CHD6: variants seen among roughly 807,000 people sequenced by gnomAD.
CHD6 encodes the protein ATP-dependent chromatin remodeler CHD6.
In CHD6, 50 loss-of-function variants were observed where a neutral mutation model predicts 276.9. That is an observed-to-expected ratio of 0.18 (90% CI 0.14 to 0.23). The LOEUF is 0.23. CHD6 is among the 10% of genes least tolerant of loss of function. CHD6 has a pLI of 1.00. For missense variants in CHD6, 2,564 were observed against 3,365.8 expected (o/e 0.76, Z 5.89); for synonymous variants, 1,173 against 1,229.3 (o/e 0.95, Z 0.96).
intron 1 of CHD6, among the ~76,000 whole-genome samples, chr20:41,602,368 T>C (rs892135772): frequency 1.2e-4 from 19 of 152,326 alleles, no homozygotes; most frequent in Admixed American, 1.0e-3. Context: ...CCATTTCACC[T>C]TCCTATGAGG....
intron 1 of CHD6, among the ~76,000 whole-genome samples, chr20:41,553,681 C>A (rs2045179445): frequency 6.6e-6 from 1 of 152,222 alleles, no homozygotes. Context: ...TGTGCTCTCA[C>A]CATTGTTTCA....
Position 41,416,579 on chromosome 20 carries a change from C to A in CHD6, c.6486+9G>T. 6.2e-7 allele frequency: 1 copy of A among 1,606,352 alleles called. No homozygotes were observed. The highest frequency in any genetic ancestry group is 8.5e-7 in the Non-Finnish European group (1 of 1,176,298). Reference sequence around the variant, plus strand: ...TTGTTTTGTGGTCACTCCATTCTTGCCGGCTCACCTTGTGGATCTGGGCCG... The same window carrying A: ...TTGTTTTGTGGTCACTCCATTCTTGACGGCTCACCTTGTGGATCTGGGCCG... On this transcript the variant is annotated intron_variant, in intron 33 of 36. Transcript: ENST00000373233.
intron 2 of CHD6, 97 bp downstream of exon 2, chr20:41,551,208 A>G (rs2045140631): frequency 1.3e-6 from 1 of 788,760 alleles, no homozygotes; most frequent in Non-Finnish European, 2.2e-6. Flanking sequence ...AAAGTACCAG[A>G]GATTAAGGGA....
chr20:41,472,174 G>A (rs1332074113), intron 17 of CHD6, among the ~76,000 whole-genome samples: 3 of 151,744 alleles, frequency 2.0e-5, no homozygotes, highest in African/African-American at 7.3e-5. Flanking sequence ...CTGGCAGGCA[G>A]AGGTTGCAGT....
At chr20:41,533,637 A>G (rs2044747637) in intron 2 of CHD6, 67 bp from the exon 3 acceptor site, 4 of 1,363,536 alleles carry the variant, frequency 2.9e-6, no homozygotes, top group Non-Finnish European at 4.0e-6. Flanking sequence ...AGAGTTACCC[A>G]GTTTGAATAC....
rs546468864 is a variant in CHD6, at chr20:41,577,204, T to G, written c.-23-25844A>C. Among the ~76,000 whole-genome samples the G allele has an allele frequency of 5.3e-4, 81 of 152,340 alleles. 1 individual carries two copies. Among genetic ancestry groups the G allele is most frequent in the African/African-American group, 1.7e-3 (72 of 41,572 alleles). On this transcript the variant is annotated intron_variant, in intron 1 of 36. Transcript: ENST00000373233. ...CTCCTGGCTTGGTTCTACAGAGACT[T>G]GTGGCCGCTATTTATCATGATTTGG... is the stretch of plus-strand genomic sequence containing the variant.
intron 36 of CHD6, among the ~76,000 whole-genome samples, chr20:41,410,915 G>A (rs1283799433): frequency 6.6e-6 from 1 of 152,174 alleles, no homozygotes; most frequent in Non-Finnish European, 1.5e-5. Flanking sequence ...GAGACACCGT[G>A]TGCCGAGACA....
At chr20:41,596,913 T>C (rs980732125) in intron 1 of CHD6, among the ~76,000 whole-genome samples, 2 of 152,042 alleles carry the variant, frequency 1.3e-5, no homozygotes, top group East Asian at 3.9e-4. Context: ...AAAAAGTATA[T>C]GTAAGAAGGG....
intron 3 of CHD6, among the ~76,000 whole-genome samples, chr20:41,524,093 C>T (rs1181086764): frequency 6.6e-6 from 1 of 152,178 alleles, no homozygotes; most frequent in Non-Finnish European, 1.5e-5. Context: ...ACTCCAGCAA[C>T]AATGCTTCAG....
chr20:41,513,083 T>G, intron 4 of CHD6, 88 bp from the exon 5 acceptor site: 1 of 1,359,460 alleles, frequency 7.4e-7, no homozygotes, highest in Non-Finnish European at 1.0e-6. Flanking sequence ...TTTACTAACA[T>G]GCCAAGGAGT....
chr20:41,416,877 T>C (rs2047016217), intron 32 of CHD6, 83 bp from the exon 33 acceptor site: 8 of 1,212,050 alleles, frequency 6.6e-6, no homozygotes, highest in South Asian at 6.6e-5. Flanking sequence ...GGTTAAGCTT[T>C]TCACCAGAAG....
intron 36 of CHD6, among the ~76,000 whole-genome samples, chr20:41,408,805 G>A (rs2046759654): frequency 2.0e-5 from 3 of 152,224 alleles, no homozygotes; most frequent in Non-Finnish European, 4.4e-5. Flanking sequence ...AGCACTTGAT[G>A]AATGGTGCCT....
chr20:41,509,328 G>C (rs948967845), intron 5 of CHD6, among the ~76,000 whole-genome samples: 1 of 152,260 alleles, frequency 6.6e-6, no homozygotes. Flanking sequence ...TCTCCTACCT[G>C]AGAGGCACAT....
At chr20:41,481,905 A>C (rs1391872363) in intron 16 of CHD6, among the ~76,000 whole-genome samples, 1 of 152,110 alleles carries the variant, frequency 6.6e-6, no homozygotes, top group Admixed American at 6.5e-5. Flanking sequence ...TCAAACAAAC[A>C]ATAAAGCTAA....
rs1489748138 is a variant in CHD6, at chr20:41,404,921, A to T, written c.7820T>A (p.Val2607Glu). The change falls in exon 37 of 37, where the codon GTG becomes GAG. Residue 2607 changes from valine to glutamate, a missense_variant. By Grantham distance (121) the Val-to-Glu change is moderately radical. Transcript: ENST00000373233. ...SEPAITTSSP[V>E]AFNPFLIPGV... ...TGGGATGAGAAATGGGTTAAAAGCC[A>T]CAGGACTACTAGTAGTTATTGCAGG... 6.2e-7 allele frequency: 1 copy of T among 1,614,202 alleles called. No homozygotes were observed. The highest frequency in any genetic ancestry group is 8.5e-7 in the Non-Finnish European group (1 of 1,180,024).
chr20:41,412,297 A>G, intron 35 of CHD6, 34 bp from the exon 36 acceptor site: 1 of 1,612,014 alleles, frequency 6.2e-7, no homozygotes, highest in Non-Finnish European at 8.5e-7. Flanking sequence ...ATTACAAAAC[A>G]TGCTATCCCA....
intron 8 of CHD6, among the ~76,000 whole-genome samples, chr20:41,495,202 C>G (rs2043654445): frequency 6.6e-6 from 1 of 152,128 alleles, no homozygotes; most frequent in Non-Finnish European, 1.5e-5. Flanking sequence ...CGGAAACAAG[C>G]TAAGTGTCCA....
At position 41,480,177 on chromosome 20, in the gene CHD6, G is replaced by A. The variant is rs138334705; in HGVS notation, c.2468+3132C>T. 2.0e-4 allele frequency among the ~76,000 whole-genome samples: 30 copies of A among 152,172 alleles called. No homozygotes were observed. In the East Asian group the frequency reaches 5.8e-3, roughly 29 times the overall value. Reference sequence around the variant, plus strand: ...CCACCAACAAGAAGATCTGATTTAAGAGGAAAAAAAAGAAAGCTGTCAGCA... The same window carrying A: ...CCACCAACAAGAAGATCTGATTTAAAAGGAAAAAAAAGAAAGCTGTCAGCA... On this transcript the variant is annotated intron_variant, in intron 16 of 36. Coordinates refer to ENST00000373233, the MANE Select transcript of CHD6 (RefSeq NM_032221.5).
intron 1 of CHD6, among the ~76,000 whole-genome samples, chr20:41,577,275 G>T (rs1390908616): frequency 6.6e-6 from 1 of 152,090 alleles, no homozygotes; most frequent in African/African-American, 2.4e-5. Context: ...CAGCTATTTG[G>T]CTTTCTGCTC....
Sources: gnomAD v4.1 joint callset for allele counts (sites outside exome capture counted in the v4.1 genomes callset) on GRCh38, gnomAD v4.1.1 for gene constraint, MANE v1.5 for transcripts, NCBI Gene and HGNC (gene_info 2026-07-23, HGNC 2026-07-21) for gene names.